STAG2: variants seen among roughly 807,000 people sequenced by gnomAD.
The protein encoded by STAG2 is cohesin subunit SA-2.
STAG2 carries 14 observed loss-of-function variants against 108.1 expected under a neutral mutation model. The ratio of observed to expected loss-of-function variants is 0.13; its 90% CI spans 0.09 to 0.20. The LOEUF (loss-of-function observed/expected upper bound fraction) is 0.20, where lower values mean the gene tolerates loss of function less well. STAG2 is among the 10% of genes least tolerant of loss of function. The pLI is 1.00. For missense variants in STAG2, 440 were observed against 940.9 expected (o/e 0.47, Z 6.96); for synonymous variants, 307 against 302.7 (o/e 1.01, Z -0.15).
At chrX:124,017,574 C>A (rs190590388) in intron 1 of STAG2, among the ~76,000 whole-genome samples, 1 of 111,308 alleles carries the variant, frequency 9.0e-6, no homozygotes, top group Non-Finnish European at 1.9e-5. Context: ...CATATCAAAG[C>A]AAGATATTAG....
intron 5 of STAG2, among the ~76,000 whole-genome samples, chrX:124,034,863 G>A (rs2057459303): frequency 1.2e-5 from 1 of 82,410 alleles, no homozygotes; most frequent in Non-Finnish European, 2.6e-5. Context: ...AGTAGTTGTT[G>A]TTGTTGTTGT....
chrX:123,968,020 C>G (rs1037809770), intron 1 of STAG2, among the ~76,000 whole-genome samples: 1 of 109,712 alleles, frequency 9.1e-6, no homozygotes, highest in Non-Finnish European at 1.9e-5. Flanking sequence ...CCTGCCTTAG[C>G]CTCTCAAGTA....
chrX:124,040,242 A>ATGGCTTCTGT (rs2057666195), intron 6 of STAG2, among the ~76,000 whole-genome samples: 1 of 111,542 alleles, frequency 9.0e-6, no homozygotes, highest in Admixed American at 9.6e-5. Context: ...GTAGCTGTTG[A>ATGGCTTCTGT]AGCATGGAGG....
intron 13 of STAG2, among the ~76,000 whole-genome samples, chrX:124,054,511 T>G (rs1236315939): frequency 8.9e-6 from 1 of 112,026 alleles, no homozygotes; most frequent in Admixed American, 9.5e-5. Flanking sequence ...TATAAAAATT[T>G]TGAAAGAATT....
intron 29 of STAG2, among the ~76,000 whole-genome samples, chrX:124,085,828 G>A (rs772466944): frequency 3.7e-5 from 4 of 107,371 alleles, no homozygotes; most frequent in African/African-American, 1.0e-4. Flanking sequence ...TAACAAAGCA[G>A]TATGCTTTGT....
At chrX:123,970,622 A>G (rs1262212475) in intron 1 of STAG2, among the ~76,000 whole-genome samples, 1 of 111,929 alleles carries the variant, frequency 8.9e-6, no homozygotes, top group African/African-American at 3.2e-5. Context: ...GTTAGTGTTG[A>G]TTTCAAGCAG....
At chrX:124,013,343 ACACACG>A (rs2056592368) in intron 1 of STAG2, among the ~76,000 whole-genome samples, 1 of 110,998 alleles carries the variant, frequency 9.0e-6, no homozygotes, top group Non-Finnish European at 1.9e-5. Context: ...ACACACACAC[ACACACG>A]CACACCAGTC....
intron 1 of STAG2, among the ~76,000 whole-genome samples, chrX:123,981,560 C>T (rs1213087515): frequency 1.8e-5 from 2 of 111,590 alleles, no homozygotes; most frequent in African/African-American, 6.5e-5. Flanking sequence ...TTGACAGATG[C>T]TTGGGTTACT....
chrX:124,072,168 G>A (rs895544571), intron 25 of STAG2, among the ~76,000 whole-genome samples: 3 of 110,976 alleles, frequency 2.7e-5, no homozygotes, highest in East Asian at 2.8e-4. Flanking sequence ...GTGTGCCACC[G>A]TGCTTGGCTA....
intron 6 of STAG2, among the ~76,000 whole-genome samples, chrX:124,038,496 C>T (rs989768802): frequency 1.5e-4 from 16 of 109,762 alleles, no homozygotes; most frequent in African/African-American, 5.3e-4. Context: ...AGATATAAAA[C>T]GTTAAGATGG....
intron 1 of STAG2, among the ~76,000 whole-genome samples, chrX:124,014,988 T>TC (rs1426311537): frequency 3.0e-4 from 24 of 79,254 alleles, no homozygotes; most frequent in East Asian, 1.6e-3. Flanking sequence ...TCTTTTTTTT[T>TC]TTTTTTTTTT....
intron 1 of STAG2, among the ~76,000 whole-genome samples, chrX:123,988,108 G>A (rs1372706817): frequency 2.7e-5 from 3 of 111,713 alleles, no homozygotes; most frequent in African/African-American, 9.8e-5. Context: ...GTAATAAAGA[G>A]GGAGAAAACC....
intron 1 of STAG2, among the ~76,000 whole-genome samples, chrX:123,983,974 C>CTTTTCTTTTTTTTTTTTTTTTTTTTTT (rs1168788249): frequency 3.3e-5 from 2 of 61,478 alleles, no homozygotes; most frequent in African/African-American, 1.8e-4. Context: ...CTTTTCTTTT[C>CTTTTCTTTTTTTTTTTTTTTTTTTTTT]TTTTTTTTTT....
At chrX:123,975,672 C>G (rs2054586541) in intron 1 of STAG2, among the ~76,000 whole-genome samples, 1 of 111,537 alleles carries the variant, frequency 9.0e-6, no homozygotes, top group African/African-American at 3.3e-5. Context: ...CCATGTTGGT[C>G]AGGCTGGTCT....
At chrX:124,058,119 A>AT in intron 15 of STAG2, 142 bp downstream of exon 15, 3 of 281,799 alleles carry the variant, frequency 1.1e-5, no homozygotes, top group Non-Finnish European at 1.8e-5. Flanking sequence ...CCACTCCCCC[A>AT]ATTTTTTTTT....
intron 1 of STAG2, among the ~76,000 whole-genome samples, chrX:124,001,909 T>A (rs2056061221): frequency 8.9e-6 from 1 of 111,810 alleles, no homozygotes; most frequent in South Asian, 3.7e-4. Flanking sequence ...TGATATATAC[T>A]CCCTTGCAAC....
chrX:124,035,055 C>T (rs146682232), intron 5 of STAG2, among the ~76,000 whole-genome samples: 1,497 of 109,873 alleles, frequency 0.014, 29 homozygotes, highest in African/African-American at 0.047. Context: ...TGCCACCACG[C>T]CCAGCTAATT....
intron 24 of STAG2, among the ~76,000 whole-genome samples, chrX:124,070,845 C>T (rs1026547257): frequency 4.5e-5 from 5 of 111,276 alleles, no homozygotes; most frequent in Non-Finnish European, 9.4e-5. Flanking sequence ...AGTCCTGACC[C>T]TGCATATTTT....
intron 20 of STAG2, among the ~76,000 whole-genome samples, chrX:124,064,262 ACTAACAT>A (rs937957298): frequency 6.3e-5 from 7 of 111,228 alleles, no homozygotes; most frequent in African/African-American, 2.3e-4. Context: ...TGAAAGCAAA[ACTAACAT>A]CTTTTTTGTT....
Sources: gnomAD v4.1 joint callset for allele counts (sites outside exome capture counted in the v4.1 genomes callset) on GRCh38, gnomAD v4.1.1 for gene constraint, MANE v1.5 for transcripts, NCBI Gene and HGNC (gene_info 2026-07-23, HGNC 2026-07-21) for gene names.